CSMD1: variants seen among roughly 807,000 people sequenced by gnomAD.
CSMD1 encodes CUB and sushi domain-containing protein 1.
Under a neutral mutation model 417.5 loss-of-function variants are expected in CSMD1, and 213 were observed. The observed-to-expected ratio is 0.51, with a 90% CI of 0.46 to 0.57. The LOEUF is 0.57. Among genes scored for constraint, CSMD1 ranks in the 20% least tolerant of loss-of-function variants. The pLI is 0.00. For synonymous variants in CSMD1, 2,862 were observed against 1,736.8 expected (o/e 1.65, Z -16.11); for missense variants, 6,923 against 4,529.7 (o/e 1.53, Z -15.17).
At chr8:4,393,046 G>A (rs1013627517) in intron 3 of CSMD1, among the ~76,000 whole-genome samples, 2 of 152,040 alleles carry the variant, frequency 1.3e-5, no homozygotes, top group African/African-American at 4.8e-5. Context: ...CATGACCTAG[G>A]CTCACTGTAC....
At chr8:3,398,619 T>G (rs1390838075) in intron 16 of CSMD1, among the ~76,000 whole-genome samples, 1 of 152,124 alleles carries the variant, frequency 6.6e-6, no homozygotes, top group African/African-American at 2.4e-5. Context: ...AAGAAGAAGG[T>G]CATTGTTAGA....
At chr8:3,817,818 T>A (rs544824033) in intron 5 of CSMD1, among the ~76,000 whole-genome samples, 7 of 152,178 alleles carry the variant, frequency 4.6e-5, no homozygotes, top group Non-Finnish European at 1.0e-4. Context: ...CACGTGCATC[T>A]GGCCACACCA....
At chr8:4,167,413 G>C (rs193229617) in intron 3 of CSMD1, among the ~76,000 whole-genome samples, 10 of 152,286 alleles carry the variant, frequency 6.6e-5, no homozygotes, top group African/African-American at 2.2e-4. Context: ...AAGTGTTCAT[G>C]TAAAAGAAAT....
intron 2 of CSMD1, among the ~76,000 whole-genome samples, chr8:4,552,368 G>T (rs1161808938): frequency 6.6e-6 from 1 of 151,812 alleles, no homozygotes; most frequent in African/African-American, 2.4e-5. Flanking sequence ...TGAACTTTAA[G>T]GAAGAGCCTA....
At chr8:3,379,039 T>C (rs1810478543) in intron 18 of CSMD1, among the ~76,000 whole-genome samples, 1 of 152,190 alleles carries the variant, frequency 6.6e-6, no homozygotes, top group African/African-American at 2.4e-5. Flanking sequence ...GATAAACAAC[T>C]TCAGCAATGT....
At chr8:4,351,229 T>A (rs1801073547) in intron 3 of CSMD1, among the ~76,000 whole-genome samples, 1 of 152,274 alleles carries the variant, frequency 6.6e-6, no homozygotes, top group Middle Eastern at 3.4e-3. Flanking sequence ...ACCTGATACC[T>A]AAAGCTCCAT....
At chr8:4,156,283 G>T (rs1339707411) in intron 3 of CSMD1, among the ~76,000 whole-genome samples, 1 of 152,040 alleles carries the variant, frequency 6.6e-6, no homozygotes, top group African/African-American at 2.4e-5. Flanking sequence ...AGTTGATGGG[G>T]TTGAAAATGC....
chr8:4,179,507 C>T (rs1198617476), intron 3 of CSMD1, among the ~76,000 whole-genome samples: 1 of 150,646 alleles, frequency 6.6e-6, no homozygotes, highest in Non-Finnish European at 1.5e-5. Flanking sequence ...CCATTCAGGA[C>T]GTAGGCATGG....
chr8:3,758,174 G>C (rs989902545), intron 5 of CSMD1, among the ~76,000 whole-genome samples: 1 of 152,088 alleles, frequency 6.6e-6, no homozygotes, highest in Non-Finnish European at 1.5e-5. Flanking sequence ...ATTTTGGCCA[G>C]GCTGGTCTCA....
rs938571699 is a variant in CSMD1 at position 3,791,720 on chromosome 8, G to A, written c.819-37678C>T. Among the ~76,000 whole-genome samples, 3 of 152,160 alleles carry A rather than the reference G, an allele frequency of 2.0e-5. No homozygotes were observed. The South Asian group carries it at 6.2e-4, about 31-fold the overall frequency. ...TACCTGTAATCCCAGCAACTCAGGA[G>A]GCTGAAGCAAGAGAATCGCTTGAGC... On this transcript the variant is annotated intron_variant, in intron 5 of 69. Coordinates refer to ENST00000635120, the MANE Select transcript of CSMD1 (RefSeq NM_033225.6).
chr8:3,941,761 C>A (rs1381160678), intron 5 of CSMD1, among the ~76,000 whole-genome samples: 3 of 152,110 alleles, frequency 2.0e-5, no homozygotes, highest in African/African-American at 7.2e-5. Context: ...ACAGCATGGA[C>A]ACACACAATT....
intron 26 of CSMD1, among the ~76,000 whole-genome samples, chr8:3,270,713 A>C (rs1311611412): frequency 3.3e-5 from 5 of 152,154 alleles, no homozygotes; most frequent in African/African-American, 1.2e-4. Context: ...ACTATTTATC[A>C]ACAGTGGATG....
Position 2,965,718 on chromosome 8 carries a change from T to G in CSMD1, c.9280+57A>C. On this transcript the variant is annotated intron_variant, in intron 59 of 69. Transcript: ENST00000635120. ...AATGCTTGCAAAATTAAACAAAGCA[T>G]AATTCAATAAAGACTTCTATACACA... 2.0e-6 allele frequency: 3 copies of G among 1,466,820 alleles called. No individual in the cohort carries two copies. In the South Asian group the frequency reaches 3.8e-5, roughly 18 times the overall value. 90.9% of individuals were successfully genotyped at this position (1,466,820 alleles called of 1,614,324 possible).
At chr8:3,409,790 T>C (rs2116913975) in intron 12 of CSMD1, among the ~76,000 whole-genome samples, 185 bp from the exon 13 acceptor site, 1 of 152,318 alleles carries the variant, frequency 6.6e-6, no homozygotes, top group East Asian at 1.9e-4. Flanking sequence ...AGAATGTCAT[T>C]TCAAATGAAG....
intron 5 of CSMD1, among the ~76,000 whole-genome samples, chr8:3,848,066 T>G (rs1472970602): frequency 7.6e-6 from 1 of 131,838 alleles, no homozygotes; most frequent in Non-Finnish European, 1.6e-5. Context: ...ATCCTGGTGA[T>G]ATTTCTCTCT....
At chr8:3,935,790 C>G (rs1184247829) in intron 5 of CSMD1, among the ~76,000 whole-genome samples, 1 of 152,138 alleles carries the variant, frequency 6.6e-6, no homozygotes, top group Non-Finnish European at 1.5e-5. Flanking sequence ...AATAAGCCTA[C>G]AGTGGCCTTT....
intron 5 of CSMD1, among the ~76,000 whole-genome samples, chr8:3,795,212 CTATCATGTACAGATATAGATATA>C (rs1799996112): frequency 2.3e-5 from 2 of 86,090 alleles, no homozygotes; most frequent in African/African-American, 4.9e-5. Context: ...ATATAGATAC[CTATCATGTACAGATATAGATATA>C]TATCTATCAT....
At chr8:3,764,480 C>T (rs1206048019) in intron 5 of CSMD1, among the ~76,000 whole-genome samples, 1 of 152,160 alleles carries the variant, frequency 6.6e-6, no homozygotes, top group Admixed American at 6.5e-5. Flanking sequence ...GAGGCACCCA[C>T]AATCTTTGAG....
chr8:4,670,821 CTCTTT>C (rs1299857345), intron 1 of CSMD1, among the ~76,000 whole-genome samples: 1 of 152,140 alleles, frequency 6.6e-6, no homozygotes, highest in African/African-American at 2.4e-5. Flanking sequence ...GAAAGTCATA[CTCTTT>C]TCTTAGAAGA....
Sources: allele counts gnomAD v4.1 joint callset (sites outside exome capture counted in the v4.1 genomes callset), GRCh38; gene constraint gnomAD v4.1.1; transcripts MANE v1.5; gene names NCBI Gene and HGNC (gene_info 2026-07-23, HGNC 2026-07-21).